The following ZMYM4 variants were observed in gnomAD, a reference collection of about 807,000 sequenced individuals.
ZMYM4 encodes the protein zinc finger MYM-type protein 4.
A neutral mutation model predicts 183.2 loss-of-function variants in ZMYM4; 31 were observed. The ratio of observed to expected loss-of-function variants is 0.17; its 90% CI spans 0.13 to 0.23. ZMYM4 has a LOEUF of 0.23. Among genes scored for constraint, ZMYM4 ranks in the 10% least tolerant of loss-of-function variants. ZMYM4 has a pLI of 1.00. For missense variants in ZMYM4, 1,273 were observed against 1,840.3 expected (o/e 0.69, Z 5.64); for synonymous variants, 592 against 631.2 (o/e 0.94, Z 0.93).
At chr1:35,280,138 C>T (rs1190971109) in intron 1 of ZMYM4, among the ~76,000 whole-genome samples, 1 of 151,108 alleles carries the variant, frequency 6.6e-6, no homozygotes. Flanking sequence ...TTGTCTCTCT[C>T]TCTCTCTTTC....
intron 26 of ZMYM4, among the ~76,000 whole-genome samples, chr1:35,409,588 ATTTAAGTCCTG>A (rs1639786480): frequency 6.6e-6 from 1 of 151,896 alleles, no homozygotes; most frequent in South Asian, 2.1e-4. Flanking sequence ...AGAAATGTCT[ATTTAAGTCCTG>A]TCTTAGTCTG....
intron 2 of ZMYM4, among the ~76,000 whole-genome samples, chr1:35,346,666 A>T (rs542451492): frequency 6.6e-6 from 1 of 151,390 alleles, no homozygotes; most frequent in Non-Finnish European, 1.5e-5. Context: ...AAAAAAAAAA[A>T]AAAAGAAAAA....
rs372049177 is a variant in ZMYM4, at chr1:35,420,049, T to C, written c.*372T>C. 2 of 285,674 alleles carry C rather than the reference T, an allele frequency of 7.0e-6. No individual in the cohort carries two copies. Among genetic ancestry groups the C allele is most frequent in the Non-Finnish European group, 6.8e-6 (1 of 146,658 alleles). The allele number at this position is 285,674 out of a possible 1,614,324, so 17.7% of individuals were successfully genotyped here. On this transcript the variant is annotated 3_prime_UTR_variant, in exon 30 of 30. Transcript: ENST00000314607. ...GAGAGGTAGCTTTGGAGTGAAACTT[T>C]GGCTGCAATAGGCTACTTTGGCAAG...
At chr1:35,351,157 A>G (rs1166875207) in intron 2 of ZMYM4, 10 of 1,188,994 alleles carry the variant, frequency 8.4e-6, no homozygotes, top group Non-Finnish European at 1.1e-5. Flanking sequence ...TGCTATTTGG[A>G]TGCAGACCTT....
chr1:35,325,443 A>C (rs112363313), intron 2 of ZMYM4, 38 bp downstream of exon 2: 3 of 1,579,136 alleles, frequency 1.9e-6, no homozygotes, highest in African/African-American at 1.4e-5. Context: ...ATGTCTTTAG[A>C]TAGAAAATGA....
intron 1 of ZMYM4, among the ~76,000 whole-genome samples, chr1:35,325,109 AAAAT>A (rs1185766719): frequency 6.6e-6 from 1 of 152,142 alleles, no homozygotes; most frequent in Non-Finnish European, 1.5e-5. Flanking sequence ...AATGATTAAA[AAAAT>A]AAGTAGTTGT....
intron 2 of ZMYM4, among the ~76,000 whole-genome samples, chr1:35,328,300 T>G (rs1195061523): frequency 6.6e-6 from 1 of 152,066 alleles, no homozygotes; most frequent in Non-Finnish European, 1.5e-5. Flanking sequence ...GTTTTTATTT[T>G]AGAGACAGGG....
At position 35,370,499 on chromosome 1, in the gene ZMYM4, G is replaced by T. The variant is rs778552945; in HGVS notation, c.1053G>T (p.Gly351=). ...CSGCKKILQK[G]QTAYQRKGST... Reference sequence around the variant, plus strand: ...GTTGTAAAAAAATCCTCCAGAAGGGGCAAACTGCTTATCAGAGGAAAGGGT... The same window carrying T: ...GTTGTAAAAAAATCCTCCAGAAGGGTCAAACTGCTTATCAGAGGAAAGGGT... Residue 351 remains glycine, a synonymous_variant, in exon 7 of 30, where the codon GGG becomes GGT. Coordinates refer to ENST00000314607, the MANE Select transcript of ZMYM4 (RefSeq NM_005095.3). 1.2e-6 allele frequency: 2 copies of T among 1,613,404 alleles called. No homozygotes were observed. Among genetic ancestry groups the T allele is most frequent in the Non-Finnish European group, 1.7e-6 (2 of 1,179,876 alleles).
intron 2 of ZMYM4, among the ~76,000 whole-genome samples, chr1:35,340,946 C>T (rs1240202731): frequency 3.3e-5 from 5 of 151,700 alleles, no homozygotes; most frequent in Non-Finnish European, 7.4e-5. Context: ...ACTTTTATTC[C>T]TTAGATGAGT....
At chr1:35,386,440 G>A (rs1308628091) in intron 11 of ZMYM4, among the ~76,000 whole-genome samples, 1 of 152,220 alleles carries the variant, frequency 6.6e-6, no homozygotes, top group Non-Finnish European at 1.5e-5. Flanking sequence ...AGAGAGAAGC[G>A]GGAGGTGCTA....
In ZMYM4 at chr1:35,420,795, G is replaced by C. The variant is rs976989301; in HGVS notation, c.*1118G>C. On this transcript the variant is annotated 3_prime_UTR_variant, in exon 30 of 30. Coordinates refer to ENST00000314607, the MANE Select transcript of ZMYM4 (RefSeq NM_005095.3). ...GTTAGGTTCCTATATAAAGCATTTG[G>C]AAGATGACCTTGTTGCCCTTGAAAC... The C allele has an allele frequency of 1.3e-5, 2 of 152,620 alleles. No individual in the cohort carries two copies. The highest frequency in any genetic ancestry group is 4.8e-5 in the African/African-American group (2 of 41,430). 9.5% of individuals were successfully genotyped at this position (152,620 alleles called of 1,614,324 possible).
At chr1:35,286,460 A>G (rs770677084) in intron 1 of ZMYM4, among the ~76,000 whole-genome samples, 2 of 152,096 alleles carry the variant, frequency 1.3e-5, no homozygotes, top group Non-Finnish European at 2.9e-5. Flanking sequence ...ACGCCTCAGT[A>G]CCTTTCAGTG....
chr1:35,361,375 T>C, intron 4 of ZMYM4, 120 bp downstream of exon 4: 1 of 1,065,284 alleles, frequency 9.4e-7, no homozygotes, highest in Non-Finnish European at 1.3e-6. Flanking sequence ...TTTTTTAATT[T>C]GCTTAATATT....
intron 2 of ZMYM4, among the ~76,000 whole-genome samples, chr1:35,332,228 T>C (rs996931870): frequency 5.9e-5 from 9 of 152,160 alleles, no homozygotes. Flanking sequence ...ACTTTTTAAG[T>C]CAGTTAATGT....
At chr1:35,302,000 T>C (rs1369024899) in intron 1 of ZMYM4, among the ~76,000 whole-genome samples, 5 of 152,176 alleles carry the variant, frequency 3.3e-5, no homozygotes, top group Non-Finnish European at 5.9e-5. Context: ...TAATTTTGTC[T>C]GACCTTTTAG....
intron 7 of ZMYM4, among the ~76,000 whole-genome samples, chr1:35,372,032 T>TATG (rs1258186792): frequency 6.6e-6 from 1 of 152,222 alleles, no homozygotes; most frequent in Non-Finnish European, 1.5e-5. Context: ...TAATTACACA[T>TATG]TCTTTTGAAT....
intron 9 of ZMYM4, among the ~76,000 whole-genome samples, chr1:35,384,572 A>G (rs1644532628): frequency 6.6e-6 from 1 of 152,126 alleles, no homozygotes. Flanking sequence ...ATGATATCCC[A>G]GGTTTGCTCT....
At position 35,420,829 on chromosome 1, in the gene ZMYM4, AG is replaced by A. The variant is rs2149055114; in HGVS notation, c.*1155del. On this transcript the variant is annotated 3_prime_UTR_variant, in exon 30 of 30. Coordinates refer to ENST00000314607, the MANE Select transcript of ZMYM4 (RefSeq NM_005095.3). ...CTTGTTGCCCTTGAAACTTGAAAAT[AG>A]GGATTCTGGGGTGAGGATACAAAGA... 1 of 152,782 alleles carries A rather than the reference AG, an allele frequency of 6.5e-6. No individual in the cohort carries two copies. Among genetic ancestry groups the A allele is most frequent in the South Asian group, 2.1e-4 (1 of 4,828 alleles). 9.5% of individuals were successfully genotyped at this position (152,782 alleles called of 1,614,324 possible).
chr1:35,346,737 ACTCAGTAT>A (rs1384238278), intron 2 of ZMYM4, among the ~76,000 whole-genome samples: 1 of 152,036 alleles, frequency 6.6e-6, no homozygotes, highest in Non-Finnish European at 1.5e-5. Context: ...AGCCTATTTA[ACTCAGTAT>A]TATTTCTCTA....
Sources: allele counts gnomAD v4.1 joint callset (sites outside exome capture counted in the v4.1 genomes callset), GRCh38; gene constraint gnomAD v4.1.1; transcripts MANE v1.5; gene names NCBI Gene and HGNC (gene_info 2026-07-23, HGNC 2026-07-21).